YJU2B: variants seen among roughly 807,000 people sequenced by gnomAD.
YJU2B encodes the protein YJU2 splicing factor homolog B.
In YJU2B, 18 loss-of-function variants were observed where a neutral mutation model predicts 38.0. The observed-to-expected ratio is 0.47, with a 90% CI of 0.33 to 0.70. The LOEUF (loss-of-function observed/expected upper bound fraction) is 0.70, where lower values mean the gene tolerates loss of function less well. YJU2B is among the 30% of genes least tolerant of loss of function. The probability of loss-of-function intolerance (pLI) is 0.02; values close to 1 mark genes in which losing one functional copy is unlikely to be tolerated. For synonymous variants in YJU2B, 246 were observed against 225.4 expected, an observed-to-expected ratio of 1.09 and a Z score of -0.82; for missense variants, 538 against 556.3, an observed-to-expected ratio of 0.97 and a Z score of 0.33.
At chr19:13,747,404 A>C (rs1973281251), upstream of YJU2B, among the ~76,000 whole-genome samples, 1 of 152,228 alleles carries the variant, frequency 6.6e-6, no homozygotes, top group Admixed American at 6.5e-5. Flanking sequence ...GCACTTTGGG[A>C]GGCAGGAGGA....
intron 2 of YJU2B, among the ~76,000 whole-genome samples, chr19:13,739,458 C>A (rs1028508632): frequency 1.8e-5 from 2 of 113,898 alleles, no homozygotes; most frequent in Non-Finnish European, 3.8e-5. Context: ...AACTCTAATT[C>A]TTTATTCCTT....
At chr19:13,747,218 G>A (rs1008673604), upstream of YJU2B, among the ~76,000 whole-genome samples, 2 of 152,086 alleles carry the variant, frequency 1.3e-5, no homozygotes, top group Non-Finnish European at 2.9e-5. Flanking sequence ...TCCCCCAAGT[G>A]CCCTTATTTT....
chr19:13,745,696 G>GAT (rs3059625), upstream of YJU2B, among the ~76,000 whole-genome samples: 1 of 46,118 alleles, frequency 2.2e-5, no homozygotes, highest in African/African-American at 6.9e-5. Context: ...GATAGATATA[G>GAT]ATATATAGAT....
intron 8 of YJU2B, among the ~76,000 whole-genome samples, chr19:13,759,794 CTAA>C: frequency 9.5e-6 from 1 of 105,002 alleles, no homozygotes; most frequent in East Asian, 3.3e-4. Flanking sequence ...CCACGCCTGG[CTAA>C]TTTTTTTTTT....
chr19:13,736,691 TA>T (rs1176551625), intron 2 of YJU2B, among the ~76,000 whole-genome samples: 1 of 152,172 alleles, frequency 6.6e-6, no homozygotes, highest in African/African-American at 2.4e-5. Context: ...GATGCAGTGA[TA>T]AACAAAATAG....
intron 8 of YJU2B, among the ~76,000 whole-genome samples, chr19:13,760,954 A>C (rs1292031268): frequency 6.6e-6 from 1 of 151,876 alleles, no homozygotes; most frequent in Non-Finnish European, 1.5e-5. Flanking sequence ...TTTTTAGTAG[A>C]GACTGGGTAT....
rs1388561378 is a variant in YJU2B at position 13,762,767 on chromosome 19, G to A, written c.890G>A (p.Arg297Gln). The change falls in exon 10 of 10, where the codon CGG (arginine) becomes CAG (glutamine). Residue 297 changes from arginine (R) to glutamine (Q), a missense_variant. By Grantham distance (43) the Arg-to-Gln change is conservative. Transcript: ENST00000221554. Reference sequence around the variant, plus strand: ...ACCGTCGGGGACCTGGGCATCGTGCGGCGGAGGTCTCGGGACGTCCCGGAG... The same window carrying A: ...ACCGTCGGGGACCTGGGCATCGTGCAGCGGAGGTCTCGGGACGTCCCGGAG... ...PITVGDLGIVRRRSRDVPESP... is the reference protein window; with the variant it reads ...PITVGDLGIVQRRSRDVPESP... 3.1e-6 allele frequency: 5 copies of A among 1,606,348 alleles called. No homozygotes were observed. Among genetic ancestry groups the A allele is most frequent in the Middle Eastern group, 1.7e-4 (1 of 6,060 alleles).
upstream of YJU2B, among the ~76,000 whole-genome samples, chr19:13,744,865 C>T (rs1465377868): frequency 1.3e-5 from 2 of 151,726 alleles, no homozygotes. Flanking sequence ...TTGTGGCGGG[C>T]GCCTGTAGTC....
intron 2 of YJU2B, among the ~76,000 whole-genome samples, chr19:13,752,991 C>G (rs1335788604): frequency 6.6e-6 from 1 of 152,136 alleles, no homozygotes; most frequent in East Asian, 1.9e-4. Context: ...TTCAACGGTA[C>G]TACATGTGTA....
intron 2 of YJU2B, among the ~76,000 whole-genome samples, chr19:13,734,542 G>A (rs1972896777): frequency 6.6e-6 from 1 of 151,094 alleles, no homozygotes; most frequent in Admixed American, 6.6e-5. Flanking sequence ...CGCCCGCCTC[G>A]GCCTCCCGAA....
At chr19:13,732,845 G>A (rs1006035503) in intron 2 of YJU2B, among the ~76,000 whole-genome samples, 2 of 151,832 alleles carry the variant, frequency 1.3e-5, no homozygotes, top group African/African-American at 2.4e-5. Flanking sequence ...CTGACCTCAA[G>A]TGATCCACCT....
rs200292706 is a variant in YJU2B at position 13,751,770 on chromosome 19, G to T, written c.-39G>T. ...GTGTTCACAAGGCCAGTTTCTGATC[G>T]TCCGCCCCGAGGCTGAGGACCAGTA... On this transcript the variant is annotated 5_prime_UTR_variant, in exon 2 of 10. Coordinates refer to ENST00000221554, the MANE Select transcript of YJU2B (RefSeq NM_030818.4). 3.1e-6 allele frequency: 5 copies of T among 1,613,406 alleles called. No individual in the cohort carries two copies. Among genetic ancestry groups the T allele is most frequent in the African/African-American group, 2.7e-5 (2 of 74,906 alleles).
chr19:13,748,787 C>T (rs1973346494), intron 1 of YJU2B, among the ~76,000 whole-genome samples: 1 of 152,186 alleles, frequency 6.6e-6, no homozygotes, highest in Admixed American at 6.5e-5. Context: ...GGAGCCGTGT[C>T]CCCTAACGCC....
At chr19:13,736,262 T>C (rs1329985547) in intron 2 of YJU2B, among the ~76,000 whole-genome samples, 5 of 139,770 alleles carry the variant, frequency 3.6e-5, no homozygotes, top group South Asian at 4.8e-4. Context: ...TTCTTTTTTT[T>C]TTTTTTTTTT....
chr19:13,759,059 G>C (rs1176068310), intron 7 of YJU2B, 41 bp from the exon 8 acceptor site: 2 of 1,612,422 alleles, frequency 1.2e-6, no homozygotes, highest in Non-Finnish European at 1.7e-6. Flanking sequence ...CTGAGTCTGC[G>C]CTGGGGCCCC....
chr19:13,739,645 T>C (rs1200585527), intron 2 of YJU2B, among the ~76,000 whole-genome samples: 2 of 152,122 alleles, frequency 1.3e-5, no homozygotes, highest in African/African-American at 4.8e-5. Flanking sequence ...CTCCAGCTCC[T>C]TCTCCTCTCT....
chr19:13,762,349 G>C lies in YJU2B; in HGVS notation c.624G>C (p.Gln208His). ...QEEEERDQAL[Q>H]AKASLTIPLV... is the part of the protein sequence containing the mutation. ...AGGAGGAGAGAGACCAGGCCTTGCAGGCCAAGGCGAGCCTGACCATCCCGC... is the reference window on the plus strand; with the variant it reads ...AGGAGGAGAGAGACCAGGCCTTGCACGCCAAGGCGAGCCTGACCATCCCGC... Residue 208 changes from glutamine (Q) to histidine (H), a missense_variant, in exon 9 of 10, where the codon CAG (glutamine) becomes CAC (histidine). Physicochemically the swap from Gln to His is conservative, Grantham distance 24. Around this residue, in one of 2 missense-constraint regions of YJU2B, gnomAD observed 488 missense variants for 469.5 expected, o/e 1.04. Transcript: ENST00000221554. The C allele has an allele frequency of 6.2e-7, 1 of 1,613,998 alleles. No homozygotes were observed. The highest frequency in any genetic ancestry group is 1.1e-5 in the South Asian group (1 of 91,092).
chr19:13,756,690 C>T (rs180736995), intron 4 of YJU2B, among the ~76,000 whole-genome samples: 10 of 152,168 alleles, frequency 6.6e-5, no homozygotes, highest in African/African-American at 2.2e-4. Flanking sequence ...AGACAGTGAT[C>T]GTAGTTGGGC....
At chr19:13,732,808 C>T (rs565872691) in intron 2 of YJU2B, among the ~76,000 whole-genome samples, 2 of 151,990 alleles carry the variant, frequency 1.3e-5, no homozygotes, top group African/African-American at 2.4e-5. Context: ...CGGGTTTCAC[C>T]GTGTTGGCCA....
Sources: gnomAD v4.1 joint callset for allele counts (sites outside exome capture counted in the v4.1 genomes callset) on GRCh38, gnomAD v4.1.1 for gene constraint, gnomAD v4.1.1 regional missense constraint, MANE v1.5 for transcripts, NCBI Gene and HGNC (gene_info 2026-07-23, HGNC 2026-07-21) for gene names.